NWD1: variants seen among roughly 807,000 people sequenced by gnomAD.
NWD1 encodes the protein NACHT domain- and WD repeat-containing protein 1.
NWD1 carries 129 observed loss-of-function variants against 135.1 expected under a neutral mutation model. That is an observed-to-expected ratio of 0.96 (90% CI 0.83 to 1.11). NWD1 has a LOEUF of 1.11. Ranked by LOEUF, NWD1 falls within the 50% of genes least tolerant of loss-of-function variation. The pLI is 0.00. For missense variants in NWD1, 1,740 were observed against 1,851.3 expected, an observed-to-expected ratio of 0.94 and a Z score of 1.10; for synonymous variants, 773 against 786.0, an observed-to-expected ratio of 0.98 and a Z score of 0.28.
intron 15 of NWD1, 34 bp downstream of exon 15, chr19:16,794,587 A>C (rs1172555520): frequency 7.0e-7 from 1 of 1,418,986 alleles, no homozygotes; most frequent in Admixed American, 1.8e-5. Flanking sequence ...GTAGTGAGGA[A>C]GCTAATCAGG....
intron 12 of NWD1, among the ~76,000 whole-genome samples, chr19:16,787,365 C>T (rs768313807): frequency 4.6e-5 from 7 of 152,046 alleles, no homozygotes; most frequent in South Asian, 2.1e-4. Flanking sequence ...CCCTTTTTTA[C>T]GTGGTTATTA....
chr19:16,760,176 A>G (rs776519967), intron 7 of NWD1, among the ~76,000 whole-genome samples: 20 of 139,314 alleles, frequency 1.4e-4, no homozygotes, highest in African/African-American at 3.7e-4. Flanking sequence ...AACTAGACTA[A>G]ACTAAACTAA....
intron 3 of NWD1, among the ~76,000 whole-genome samples, chr19:16,732,474 TG>T (rs1396836721): frequency 6.6e-6 from 1 of 151,290 alleles, no homozygotes; most frequent in Admixed American, 6.6e-5. Flanking sequence ...CTTTGCGATA[TG>T]GGGGATGGGC....
At position 16,816,705 on chromosome 19, in the gene NWD1, T is replaced by C. The variant is rs1298439988; in HGVS notation, c.*1666T>C. On this transcript the variant is annotated 3_prime_UTR_variant, in exon 19 of 19. Transcript: ENST00000524140. ...ATAGTCTAAATCTTCAAGGTGGCTA[T>C]CCCTTCTCCCCTCCGTGGAATTCCT... The C allele has an allele frequency of 2.0e-5, 3 of 152,208 alleles. No individual in the cohort carries two copies. The highest frequency in any genetic ancestry group is 2.9e-5 in the Non-Finnish European group (2 of 68,050). 9.4% of individuals were successfully genotyped at this position (152,208 alleles called of 1,614,324 possible).
chr19:16,734,044 T>C (rs1209966745), intron 3 of NWD1, among the ~76,000 whole-genome samples: 1 of 152,090 alleles, frequency 6.6e-6, no homozygotes, highest in Non-Finnish European at 1.5e-5. Context: ...CAGGGTCAGC[T>C]TTGCCTACCT....
intron 18 of NWD1, among the ~76,000 whole-genome samples, chr19:16,813,807 T>C (rs1323393439): frequency 1.3e-5 from 2 of 151,726 alleles, no homozygotes; most frequent in Non-Finnish European, 2.9e-5. Context: ...CCAACCACTT[T>C]GGAAACACCG....
chr19:16,723,005 C>G (rs904604925), intron 1 of NWD1, among the ~76,000 whole-genome samples: 1 of 152,120 alleles, frequency 6.6e-6, no homozygotes, highest in African/African-American at 2.4e-5. Context: ...ACTGAAATCT[C>G]ACACCTGGTC....
chr19:16,815,127 G>C lies in NWD1; in HGVS notation c.*88G>C, dbSNP rs756526921. On this transcript the variant is annotated 3_prime_UTR_variant, in exon 19 of 19. Coordinates refer to ENST00000524140, the MANE Select transcript of NWD1 (RefSeq NM_001007525.5). Reference sequence around the variant, plus strand: ...CCCACCAGGCATGGTTATCTGATCCGAGAGAATTTCCAGTGCCTTTCAGCA... The same window carrying C: ...CCCACCAGGCATGGTTATCTGATCCCAGAGAATTTCCAGTGCCTTTCAGCA... 6 of 1,371,484 alleles carry C rather than the reference G, an allele frequency of 4.4e-6. No homozygotes were observed. The South Asian group carries it at 7.0e-5, about 16-fold the overall frequency. 85.0% of individuals were successfully genotyped at this position (1,371,484 alleles called of 1,614,324 possible).
intron 10 of NWD1, among the ~76,000 whole-genome samples, chr19:16,772,007 C>T (rs1313300904): frequency 1.3e-5 from 2 of 151,956 alleles, no homozygotes; most frequent in African/African-American, 2.4e-5. Flanking sequence ...GTTTTAGGTT[C>T]ACAGCAAAAT....
At chr19:16,780,948 T>C (rs1969833102) in intron 12 of NWD1, among the ~76,000 whole-genome samples, 1 of 152,138 alleles carries the variant, frequency 6.6e-6, no homozygotes, top group Non-Finnish European at 1.5e-5. Flanking sequence ...TGTGAGCCAC[T>C]ACACCCAGCC....
intron 3 of NWD1, among the ~76,000 whole-genome samples, chr19:16,734,700 A>T (rs1173159864): frequency 6.6e-6 from 1 of 151,352 alleles, no homozygotes; most frequent in African/African-American, 2.4e-5. Context: ...CCTCTCAAGT[A>T]TCTGAGACTA....
intron 11 of NWD1, among the ~76,000 whole-genome samples, chr19:16,776,681 C>T (rs1378229164): frequency 6.7e-6 from 1 of 149,306 alleles, no homozygotes; most frequent in African/African-American, 2.5e-5. Flanking sequence ...ATAATCCCAG[C>T]TCTTTGGGAG....
intron 10 of NWD1, 75 bp downstream of exon 10, chr19:16,765,267 C>A: frequency 1.4e-6 from 2 of 1,385,334 alleles, no homozygotes; most frequent in Non-Finnish European, 2.0e-6. Flanking sequence ...CTCATTGAGT[C>A]ATGAGCTGGA....
chr19:16,808,080 C>T lies in NWD1; in HGVS notation c.4231C>T (p.Leu1411=). The T allele has an allele frequency of 1.2e-6, 2 of 1,614,144 alleles. No homozygotes were observed. Among genetic ancestry groups the T allele is most frequent in the South Asian group, 1.1e-5 (1 of 91,076 alleles). ...QLVVSGSEDA[L]LCLWDLQARK... is the part of the protein sequence containing the mutation. ...GGTGGTCAGCGGGTCTGAGGATGCC[C>T]TGCTGTGTCTCTGGGACCTGCAGGC... is the stretch of plus-strand genomic sequence containing the variant. Residue 1411 remains leucine (L), a synonymous_variant, in exon 18 of 19, where the codon CTG becomes TTG. Transcript: ENST00000524140.
intron 15 of NWD1, among the ~76,000 whole-genome samples, chr19:16,795,691 A>G (rs1970396406): frequency 6.6e-6 from 1 of 152,102 alleles, no homozygotes; most frequent in Non-Finnish European, 1.5e-5. Context: ...TGCTGGAATT[A>G]CAAATATGAG....
At chr19:16,767,877 A>G (rs1224973308) in intron 10 of NWD1, among the ~76,000 whole-genome samples, 1 of 151,692 alleles carries the variant, frequency 6.6e-6, no homozygotes, top group Non-Finnish European at 1.5e-5. Flanking sequence ...GGTATTTCAT[A>G]TAAGTGGTAT....
intron 11 of NWD1, among the ~76,000 whole-genome samples, chr19:16,774,521 A>C (rs1323413052): frequency 6.7e-6 from 1 of 149,780 alleles, no homozygotes; most frequent in Admixed American, 6.6e-5. Flanking sequence ...CCACTGTTTC[A>C]TTTATCTAGC....
intron 10 of NWD1, among the ~76,000 whole-genome samples, 189 bp from the exon 11 acceptor site, chr19:16,772,937 G>A (rs1969465293): frequency 6.6e-6 from 1 of 152,152 alleles, no homozygotes; most frequent in Non-Finnish European, 1.5e-5. Context: ...AAACAGCTGG[G>A]TGCCTCTGAA....
At chr19:16,743,637 AG>A (rs1426638477) in intron 4 of NWD1, among the ~76,000 whole-genome samples, 1 of 152,046 alleles carries the variant, frequency 6.6e-6, no homozygotes, top group African/African-American at 2.4e-5. Context: ...ATTGATTAAC[AG>A]GAAAAGAAAC....
Sources: gnomAD v4.1 joint callset for allele counts (sites outside exome capture counted in the v4.1 genomes callset) on GRCh38, gnomAD v4.1.1 for gene constraint, MANE v1.5 for transcripts, NCBI Gene and HGNC (gene_info 2026-07-23, HGNC 2026-07-21) for gene names.